Variants in PALM2AKAP2 observed in about 807,000 individuals in gnomAD.
PALM2AKAP2 encodes PALM2-AKAP2 fusion protein.
A neutral mutation model predicts 71.5 loss-of-function variants in PALM2AKAP2; 37 were observed. The observed-to-expected ratio is 0.52, with a 90% CI of 0.40 to 0.68. PALM2AKAP2 has a LOEUF of 0.68. Ranked by LOEUF, PALM2AKAP2 falls within the 30% of genes least tolerant of loss-of-function variation. The pLI, the probability that PALM2AKAP2 is intolerant of heterozygous loss-of-function variation, is 0.00. For missense variants in PALM2AKAP2, 1,224 were observed against 1,191.8 expected (o/e 1.03, Z -0.40); for synonymous variants, 468 against 478.8 (o/e 0.98, Z 0.29).
At chr9:110,038,935 C>A (rs868428416) in intron 7 of PALM2AKAP2, among the ~76,000 whole-genome samples, 60 of 78,318 alleles carry the variant, frequency 7.7e-4, no homozygotes, top group South Asian at 9.3e-4. Flanking sequence ...AACTCGGTCT[C>A]AAAAAAAAAA....
intron 1 of PALM2AKAP2, among the ~76,000 whole-genome samples, chr9:109,790,583 A>T: frequency 6.6e-6 from 1 of 152,318 alleles, no homozygotes; most frequent in Non-Finnish European, 1.5e-5. Context: ...GGCAACTGTG[A>T]TAGTGTGTGT....
At chr9:110,018,767 C>G (rs1435102096) in intron 7 of PALM2AKAP2, among the ~76,000 whole-genome samples, 1 of 152,174 alleles carries the variant, frequency 6.6e-6, no homozygotes, top group East Asian at 1.9e-4. Context: ...ATGCTTGTTT[C>G]TATCTTCTCC....
intron 1 of PALM2AKAP2, among the ~76,000 whole-genome samples, chr9:109,758,138 C>A (rs1828994056): frequency 6.6e-6 from 1 of 152,066 alleles, no homozygotes; most frequent in South Asian, 2.1e-4. Context: ...CACTATTCTG[C>A]ATTTTGACTT....
At position 109,796,011 on chromosome 9, in the gene PALM2AKAP2, A is replaced by G. The variant is rs1289145922; in HGVS notation, c.45+15478A>G. Among the ~76,000 whole-genome samples the G allele has an allele frequency of 2.0e-5, 3 of 152,216 alleles. No individual in the cohort carries two copies. The South Asian group carries it at 6.2e-4, about 32-fold the overall frequency. On this transcript the variant is annotated intron_variant, in intron 1 of 9. Transcript: ENST00000302798. Reference sequence around the variant, plus strand: ...GCCTGACTGTAAACTTCTTGAGGCCAATGACTATGTCATATTCACCATTAT... The same window carrying G: ...GCCTGACTGTAAACTTCTTGAGGCCGATGACTATGTCATATTCACCATTAT...
At chr9:109,710,617 T>C (rs1017096201) in intron 1 of PALM2AKAP2, among the ~76,000 whole-genome samples, 11 of 152,208 alleles carry the variant, frequency 7.2e-5, no homozygotes, top group African/African-American at 2.2e-4. Flanking sequence ...ATGATTCCCT[T>C]GAATTCACTG....
In PALM2AKAP2 at chr9:109,840,963, A is replaced by T. The variant is rs529508454; in HGVS notation, c.46-26528A>T. Among the ~76,000 whole-genome samples, 1,284 of 152,318 alleles carry T rather than the reference A, an allele frequency of 8.4e-3. 8 individuals carry two copies. The highest frequency in any genetic ancestry group is 0.014 in the Non-Finnish European group (946 of 68,012). ...CCATTGTGGAAGACAGTGTGGCGAT[A>T]GCTCAGGGATCTAGAACTAGAAATA... On this transcript the variant is annotated intron_variant, in intron 1 of 9. Transcript: ENST00000302798.
chr9:109,645,559 AAAAC>A (rs1317979968), intron 1 of PALM2AKAP2, among the ~76,000 whole-genome samples: 1 of 152,012 alleles, frequency 6.6e-6, no homozygotes. Context: ...GAAAAAAAAA[AAAAC>A]CCCAGCCATA....
intron 1 of PALM2AKAP2, among the ~76,000 whole-genome samples, chr9:110,102,640 C>T (rs972348790): frequency 4.6e-5 from 7 of 152,106 alleles, no homozygotes; most frequent in African/African-American, 2.4e-5. Flanking sequence ...CTGCCAGGGC[C>T]CAGTACAAGT....
At chr9:109,873,622 G>A (rs1829656008) in intron 2 of PALM2AKAP2, among the ~76,000 whole-genome samples, 3 of 152,156 alleles carry the variant, frequency 2.0e-5, no homozygotes, top group South Asian at 2.1e-4. Flanking sequence ...GGAATCACAG[G>A]TGAATATTTT....
chr9:109,927,072 A>G (rs1830973590), intron 5 of PALM2AKAP2, among the ~76,000 whole-genome samples: 1 of 152,026 alleles, frequency 6.6e-6, no homozygotes, highest in Non-Finnish European at 1.5e-5. Flanking sequence ...TAGGGATCTC[A>G]TTTCTTGGGA....
At chr9:110,075,805 T>C (rs1370290208) in intron 1 of PALM2AKAP2, among the ~76,000 whole-genome samples, 1 of 152,126 alleles carries the variant, frequency 6.6e-6, no homozygotes, top group Non-Finnish European at 1.5e-5. Flanking sequence ...AAAGAATTTT[T>C]GTTTTCTCTT....
At chr9:110,021,171 ATGACACATGTCCTTAT>A (rs1250088508) in intron 7 of PALM2AKAP2, among the ~76,000 whole-genome samples, 4 of 152,206 alleles carry the variant, frequency 2.6e-5, no homozygotes, top group Non-Finnish European at 4.4e-5. Flanking sequence ...CCTAAATCCA[ATGACACATGTCCTTAT>A]AAGAGACAAA....
chr9:109,790,339 T>C (rs901157684), intron 1 of PALM2AKAP2, among the ~76,000 whole-genome samples: 7 of 139,860 alleles, frequency 5.0e-5, no homozygotes, highest in Admixed American at 1.4e-4. Flanking sequence ...GTGGGTGGGA[T>C]TTTTCCCCCC....
At chr9:109,980,503 A>T (rs1181707482) in intron 6 of PALM2AKAP2, among the ~76,000 whole-genome samples, 1 of 152,212 alleles carries the variant, frequency 6.6e-6, no homozygotes, top group Non-Finnish European at 1.5e-5. Context: ...TGGAGGCCTC[A>T]TCGTACACCA....
At chr9:109,853,574 A>G (rs1829077824) in intron 1 of PALM2AKAP2, among the ~76,000 whole-genome samples, 1 of 152,196 alleles carries the variant, frequency 6.6e-6, no homozygotes, top group Admixed American at 6.5e-5. Context: ...TCTCTTTTTT[A>G]AAAGCAATGC....
chr9:109,789,746 T>C (rs184270329), intron 1 of PALM2AKAP2, among the ~76,000 whole-genome samples: 2 of 152,296 alleles, frequency 1.3e-5, no homozygotes, highest in African/African-American at 4.8e-5. Context: ...ACAGCTGAGA[T>C]CTATTTCTGA....
chr9:110,137,761 G>A (rs1835924407), exon 2 of PALM2AKAP2: 1 of 1,614,138 alleles, frequency 6.2e-7, no homozygotes, highest in Non-Finnish European at 8.5e-7. Flanking sequence ...CATCCAATGA[G>A]ACAACCAATG....
chr9:109,926,243 AAAAC>A (rs373945423), intron 5 of PALM2AKAP2, among the ~76,000 whole-genome samples: 20 of 152,160 alleles, frequency 1.3e-4, no homozygotes, highest in South Asian at 2.1e-4. Context: ...TGACTTTGGC[AAAAC>A]AAACAAACAA....
At chr9:110,107,727 C>T (rs1835149968) in intron 1 of PALM2AKAP2, among the ~76,000 whole-genome samples, 1 of 152,050 alleles carries the variant, frequency 6.6e-6, no homozygotes, top group South Asian at 2.1e-4. Context: ...CCACCATGCC[C>T]AGCTAATTTT....
Sources: gnomAD v4.1 joint callset for allele counts (sites outside exome capture counted in the v4.1 genomes callset) on GRCh38, gnomAD v4.1.1 for gene constraint, MANE v1.5 for transcripts, NCBI Gene and HGNC (gene_info 2026-07-23, HGNC 2026-07-21) for gene names.